Variants in DENND5B observed in about 807,000 individuals in gnomAD.
The protein encoded by DENND5B is DENN domain containing 5B.
Under a neutral mutation model 140.6 loss-of-function variants are expected in DENND5B, and 34 were observed. The ratio of observed to expected loss-of-function variants is 0.24; its 90% confidence interval spans 0.18 to 0.32. The LOEUF (loss-of-function observed/expected upper bound fraction) is 0.32, where lower values mean the gene tolerates loss of function less well. DENND5B is among the 10% of genes least tolerant of loss of function. DENND5B has a pLI of 1.00. For synonymous variants in DENND5B, 551 were observed against 562.1 expected (o/e 0.98, Z 0.28); for missense variants, 1,142 against 1,560.2 (o/e 0.73, Z 4.52).
At chr12:31,452,843 C>T (rs2138139381) in intron 4 of DENND5B, among the ~76,000 whole-genome samples, 1 of 152,156 alleles carries the variant, frequency 6.6e-6, no homozygotes, top group African/African-American at 2.4e-5. Flanking sequence ...TTCTCTGGGT[C>T]TCAGCAATAT....
intron 11 of DENND5B, among the ~76,000 whole-genome samples, chr12:31,422,185 C>T (rs1943053906): frequency 6.7e-6 from 1 of 150,150 alleles, no homozygotes; most frequent in Non-Finnish European, 1.5e-5. Flanking sequence ...TTTGGGAGGC[C>T]GAGGCGGGTG....
At chr12:31,450,401 C>G (rs1057438342) in intron 5 of DENND5B, among the ~76,000 whole-genome samples, 1 of 152,028 alleles carries the variant, frequency 6.6e-6, no homozygotes, top group African/African-American at 2.4e-5. Flanking sequence ...ACTCGCTAGC[C>G]CAAGCTGGAG....
At chr12:31,419,110 TAAG>T (rs982299586) in intron 11 of DENND5B, among the ~76,000 whole-genome samples, 10 of 152,340 alleles carry the variant, frequency 6.6e-5, no homozygotes, top group African/African-American at 1.9e-4. Context: ...ACCTAAAATC[TAAG>T]AAGGTTTCCA....
At chr12:31,462,260 AGAG>A (rs930725349) in intron 3 of DENND5B, among the ~76,000 whole-genome samples, 2 of 149,914 alleles carry the variant, frequency 1.3e-5, no homozygotes, top group African/African-American at 4.9e-5. Context: ...GGCGGGTAGT[AGAG>A]GAGATCAGAA....
rs138687242 is a variant in DENND5B at position 31,426,452 on chromosome 12, C to A, written c.2107-28G>T. The A allele has an allele frequency of 5.0e-6, 8 of 1,594,612 alleles. No homozygotes were observed. The Admixed American group carries it at 1.2e-4, about 25-fold the overall frequency. Reference sequence around the variant, plus strand: ...AAAAAATCAAGGAGTATTTTTAATGCGTAAACATTAGCTATTCTTCTAATC... The same window carrying A: ...AAAAAATCAAGGAGTATTTTTAATGAGTAAACATTAGCTATTCTTCTAATC... On this transcript the variant is annotated intron_variant, in intron 8 of 20. Coordinates refer to ENST00000389082, the MANE Select transcript of DENND5B (RefSeq NM_144973.4).
intron 1 of DENND5B, among the ~76,000 whole-genome samples, chr12:31,571,591 T>A (rs1949824385): frequency 6.7e-6 from 1 of 149,584 alleles, no homozygotes; most frequent in South Asian, 2.1e-4. Context: ...CTCTTTCTTT[T>A]TTAGAAAAAT....
intron 2 of DENND5B, among the ~76,000 whole-genome samples, chr12:31,484,310 A>G (rs793171): frequency 0.8 from 120,908 of 152,024 alleles, 48,523 homozygotes; most frequent in African/African-American, 0.89. Flanking sequence ...TGGAGATGAG[A>G]AGCATAGTGG....
chr12:31,577,285 T>C (rs949446017), intron 1 of DENND5B, among the ~76,000 whole-genome samples: 2 of 152,128 alleles, frequency 1.3e-5, no homozygotes, highest in Admixed American at 1.3e-4. Flanking sequence ...CAAGAAAATA[T>C]AGTCTACAAA....
intron 1 of DENND5B, among the ~76,000 whole-genome samples, chr12:31,532,955 A>G (rs894794321): frequency 5.3e-5 from 8 of 152,202 alleles, no homozygotes; most frequent in African/African-American, 1.4e-4. Context: ...TCTGATTTTA[A>G]CAAGTCACAA....
At chr12:31,480,363 T>C (rs1946019718) in intron 2 of DENND5B, 108 bp from the exon 3 acceptor site, 2 of 1,103,918 alleles carry the variant, frequency 1.8e-6, no homozygotes, top group Admixed American at 6.5e-5. Context: ...ACAGGTTTTA[T>C]CCAGATTTAA....
chr12:31,388,357 T>C (rs1940954381), intron 20 of DENND5B, among the ~76,000 whole-genome samples: 1 of 150,724 alleles, frequency 6.6e-6, no homozygotes, highest in African/African-American at 2.4e-5. Context: ...CAGAAGAGTA[T>C]AGAGATAAAA....
intron 2 of DENND5B, among the ~76,000 whole-genome samples, chr12:31,490,757 T>C (rs1946493061): frequency 6.6e-6 from 1 of 152,194 alleles, no homozygotes; most frequent in Non-Finnish European, 1.5e-5. Context: ...AAAAAGTATA[T>C]ATAGCCCTTT....
intron 1 of DENND5B, among the ~76,000 whole-genome samples, chr12:31,539,693 A>G (rs960618486): frequency 2.0e-5 from 3 of 152,140 alleles, no homozygotes; most frequent in African/African-American, 7.2e-5. Flanking sequence ...CTTCATAATA[A>G]AAACCTTAAA....
In DENND5B at chr12:31,480,220, T is replaced by C. The variant is rs1285219355; in HGVS notation, c.273A>G (p.Gln91=). 1.9e-6 allele frequency: 3 copies of C among 1,595,450 alleles called. No homozygotes were observed. The highest frequency in any genetic ancestry group is 2.3e-5 in the South Asian group (2 of 88,038). Residue 91 remains glutamine, a synonymous_variant, in exon 3 of 21, where the codon CAA becomes CAG. Transcript: ENST00000389082. ...CMPKGLSFRT[Q]TDNKDPQFHS... is the part of the protein sequence containing the mutation. The stretch of plus-strand genomic sequence containing the variant: ...GAAACTGGGGGTCTTTATTGTCCGT[T>C]TGTGTCCTGAAAGATAGCCCTTTAG...
chr12:31,544,757 C>A (rs894017673), intron 1 of DENND5B, among the ~76,000 whole-genome samples: 5 of 152,072 alleles, frequency 3.3e-5, no homozygotes, highest in African/African-American at 1.2e-4. Flanking sequence ...CAGCTTGAGA[C>A]AATCAGACAT....
chr12:31,477,774 A>G (rs1444110385), intron 3 of DENND5B: 4 of 195,024 alleles, frequency 2.1e-5, no homozygotes, highest in African/African-American at 9.4e-5. Flanking sequence ...AGATGCTCAG[A>G]TTAGAAAACA....
intron 11 of DENND5B, among the ~76,000 whole-genome samples, chr12:31,419,420 C>A (rs1942915219): frequency 6.9e-6 from 1 of 145,626 alleles, no homozygotes; most frequent in Non-Finnish European, 1.5e-5. Context: ...CCAGTCTTGG[C>A]AACAAGAGCG....
intron 1 of DENND5B, among the ~76,000 whole-genome samples, chr12:31,510,447 C>T (rs1313552546): frequency 1.3e-5 from 2 of 152,172 alleles, no homozygotes; most frequent in Admixed American, 1.3e-4. Context: ...TCCCGGGTAG[C>T]TAGGACCACA....
intron 1 of DENND5B, among the ~76,000 whole-genome samples, chr12:31,496,690 C>A (rs990328344): frequency 6.6e-6 from 1 of 151,860 alleles, no homozygotes; most frequent in Admixed American, 6.6e-5. Flanking sequence ...ATGGTGAGAC[C>A]CCGTTTCTTT....
Sources: gnomAD v4.1 joint callset for allele counts (sites outside exome capture counted in the v4.1 genomes callset) on GRCh38, gnomAD v4.1.1 for gene constraint, MANE v1.5 for transcripts, NCBI Gene and HGNC (gene_info 2026-07-23, HGNC 2026-07-21) for gene names.